IGSF21: variants seen among roughly 807,000 people sequenced by gnomAD.
IGSF21 encodes the protein immunoglobulin superfamily member 21.
In IGSF21, 28 loss-of-function variants were observed where a neutral mutation model predicts 46.8. The ratio of observed to expected loss-of-function variants is 0.60; its 90% CI spans 0.44 to 0.82. The LOEUF (loss-of-function observed/expected upper bound fraction) is 0.82. Ranked by LOEUF, IGSF21 falls within the 40% of genes least tolerant of loss-of-function variation. The pLI, the probability that IGSF21 is intolerant of heterozygous loss-of-function variation, is 0.00. For missense variants in IGSF21, 624 were observed against 665.5 expected (o/e 0.94, Z 0.69); for synonymous variants, 284 against 273.6 (o/e 1.04, Z -0.38).
chr1:18,133,365 T>C (rs1256749237), intron 1 of IGSF21, among the ~76,000 whole-genome samples: 1 of 152,208 alleles, frequency 6.6e-6, no homozygotes, highest in Non-Finnish European at 1.5e-5. Context: ...AGACAGTGGG[T>C]TTGCAGAGTG....
intron 1 of IGSF21, among the ~76,000 whole-genome samples, chr1:18,203,174 G>C (rs913627299): frequency 1.3e-5 from 2 of 152,304 alleles, no homozygotes; most frequent in African/African-American, 2.4e-5. Flanking sequence ...GGTCCTTCCT[G>C]CTGAGCCCAC....
chr1:18,258,025 G>C (rs1309708442), intron 2 of IGSF21, among the ~76,000 whole-genome samples: 1 of 152,160 alleles, frequency 6.6e-6, no homozygotes, highest in Non-Finnish European at 1.5e-5. Context: ...AAATCATCCT[G>C]TCAGGTCCTC....
chr1:18,368,452 A>G (rs566146126), intron 6 of IGSF21, among the ~76,000 whole-genome samples: 1 of 150,452 alleles, frequency 6.6e-6, no homozygotes, highest in Non-Finnish European at 1.5e-5. Context: ...CAGAGGCTGC[A>G]GTGAGCCGAG....
intron 1 of IGSF21, among the ~76,000 whole-genome samples, chr1:18,218,701 A>C (rs999832422): frequency 3.3e-5 from 5 of 152,200 alleles, no homozygotes; most frequent in South Asian, 2.1e-4. Flanking sequence ...CACACACACA[A>C]AAAACCCATG....
At chr1:18,355,013 AT>A (rs1437250163) in intron 4 of IGSF21, among the ~76,000 whole-genome samples, 2 of 152,216 alleles carry the variant, frequency 1.3e-5, no homozygotes, top group African/African-American at 2.4e-5. Flanking sequence ...TATTGAACTC[AT>A]TTGATAGATG....
intron 1 of IGSF21, among the ~76,000 whole-genome samples, chr1:18,222,359 C>T (rs2084518778): frequency 6.6e-6 from 1 of 152,166 alleles, no homozygotes; most frequent in Admixed American, 6.5e-5. Context: ...CAGTCAGCTT[C>T]CAGATGCCAG....
Position 18,373,396 on chromosome 1 carries a change from T to C in IGSF21, c.1016-2914T>C, listed in dbSNP as rs144654359. Among the ~76,000 whole-genome samples the C allele has an allele frequency of 1.6e-4, 25 of 152,250 alleles. No individual in the cohort carries two copies. In the East Asian group the frequency reaches 4.8e-3, roughly 29 times the overall value. ...GGTTTTGATTGTCTGGAGCTGCTAA[T>C]GGGCCAGGCTCGGAGTGTCAGGAGG... On this transcript the variant is annotated intron_variant, in intron 6 of 9. Coordinates refer to ENST00000251296, the MANE Select transcript of IGSF21 (RefSeq NM_032880.5).
intron 2 of IGSF21, among the ~76,000 whole-genome samples, chr1:18,279,205 A>G (rs2085134388): frequency 1.3e-5 from 2 of 152,086 alleles, no homozygotes; most frequent in African/African-American, 4.8e-5. Context: ...CTGGCCACCC[A>G]TCTCTTGTAG....
intron 2 of IGSF21, among the ~76,000 whole-genome samples, chr1:18,274,375 G>C (rs921888933): frequency 6.6e-6 from 1 of 152,240 alleles, no homozygotes; most frequent in African/African-American, 2.4e-5. Context: ...TTCCTGGAGA[G>C]ATTAGGAAAA....
intron 7 of IGSF21, 108 bp from the exon 8 acceptor site, chr1:18,376,692 G>A (rs12127611): frequency 0.11 from 121,698 of 1,080,684 alleles, 7,766 homozygotes; most frequent in East Asian, 0.21. Context: ...CTCCTAACCC[G>A]TCGGATGAGA....
intron 1 of IGSF21, among the ~76,000 whole-genome samples, chr1:18,117,944 A>G (rs2086201549): frequency 6.6e-6 from 1 of 152,118 alleles, no homozygotes; most frequent in African/African-American, 2.4e-5. Context: ...TTCTCCTTCA[A>G]TGTCAGGGAC....
intron 6 of IGSF21, among the ~76,000 whole-genome samples, chr1:18,370,179 T>C (rs1452686668): frequency 6.6e-6 from 1 of 152,132 alleles, no homozygotes; most frequent in Non-Finnish European, 1.5e-5. Flanking sequence ...TTTCACCCTA[T>C]CCTATTTCCC....
intron 2 of IGSF21, among the ~76,000 whole-genome samples, chr1:18,280,399 A>G (rs1317928398): frequency 6.6e-6 from 1 of 152,140 alleles, no homozygotes; most frequent in Non-Finnish European, 1.5e-5. Flanking sequence ...TCTGATACCA[A>G]TGGAGCTGAT....
At chr1:18,124,244 A>G (rs186063569) in intron 1 of IGSF21, among the ~76,000 whole-genome samples, 1 of 152,306 alleles carries the variant, frequency 6.6e-6, no homozygotes, top group East Asian at 1.9e-4. Context: ...CTGCAAAGTG[A>G]TAACAGTAGC....
chr1:18,362,024 A>C, intron 4 of IGSF21, 91 bp from the exon 5 acceptor site: 1 of 818,218 alleles, frequency 1.2e-6, no homozygotes, highest in Non-Finnish European at 2.0e-6. Flanking sequence ...CCCGGCACCC[A>C]GCATGGACGT....
intron 2 of IGSF21, among the ~76,000 whole-genome samples, chr1:18,241,508 A>G (rs1223880808): frequency 2.6e-5 from 4 of 152,084 alleles, no homozygotes; most frequent in Non-Finnish European, 4.4e-5. Context: ...TCAAAACCCA[A>G]CTCTCTGACT....
chr1:18,187,281 T>C (rs2086912961), intron 1 of IGSF21, among the ~76,000 whole-genome samples: 1 of 152,160 alleles, frequency 6.6e-6, no homozygotes, highest in Non-Finnish European at 1.5e-5. Flanking sequence ...TCTCTCTTCC[T>C]CTTGTCACAA....
intron 2 of IGSF21, among the ~76,000 whole-genome samples, chr1:18,274,836 G>A (rs571639322): frequency 6.6e-6 from 1 of 152,272 alleles, no homozygotes; most frequent in South Asian, 2.1e-4. Context: ...GACCTGCCTG[G>A]CCAACACGGT....
chr1:18,354,761 C>T (rs2124623419), intron 4 of IGSF21, among the ~76,000 whole-genome samples: 1 of 152,272 alleles, frequency 6.6e-6, no homozygotes, highest in Non-Finnish European at 1.5e-5. Context: ...ATGGTTACTC[C>T]TGGGAGGGAA....
Sources: allele counts gnomAD v4.1 joint callset (sites outside exome capture counted in the v4.1 genomes callset), GRCh38; gene constraint gnomAD v4.1.1; transcripts MANE v1.5; gene names NCBI Gene and HGNC (gene_info 2026-07-23, HGNC 2026-07-21).